The following RPS6KC1 variants were observed in gnomAD, a reference collection of about 807,000 sequenced individuals.
RPS6KC1 encodes ribosomal protein S6 kinase C1.
RPS6KC1 carries 54 observed loss-of-function variants against 103.8 expected under a neutral mutation model. That is an observed-to-expected ratio of 0.52 (90% CI 0.42 to 0.65). The LOEUF is 0.65. Ranked by LOEUF, RPS6KC1 falls within the 30% of genes least tolerant of loss-of-function variation. The probability of loss-of-function intolerance (pLI) is 0.00; values close to 1 mark genes in which losing one functional copy is unlikely to be tolerated. For synonymous variants in RPS6KC1, 439 were observed against 438.7 expected (o/e 1.00, Z -0.01); for missense variants, 1,151 against 1,253.8 (o/e 0.92, Z 1.24).
intron 6 of RPS6KC1, among the ~76,000 whole-genome samples, chr1:213,149,560 CT>C (rs2088369151): frequency 6.6e-6 from 1 of 152,102 alleles, no homozygotes; most frequent in African/African-American, 2.4e-5. Flanking sequence ...GTTTTGTGAC[CT>C]GACATATGGT....
At chr1:213,748,358 G>C in the RPS6KC1 span, among the ~76,000 whole-genome samples, 1 of 152,178 alleles carries the variant, frequency 6.6e-6, no homozygotes, top group East Asian at 1.9e-4. Flanking sequence ...ATTTTTGAGG[G>C]CTTATGTGGG....
At chr1:213,814,307 C>T in the RPS6KC1 span, among the ~76,000 whole-genome samples, 9 of 152,324 alleles carry the variant, frequency 5.9e-5, no homozygotes, top group Admixed American at 1.3e-4. Context: ...AAATGACCAA[C>T]GGGAGCAGTA....
At chr1:213,171,876 A>G (rs754385659) in intron 7 of RPS6KC1, among the ~76,000 whole-genome samples, 1 of 152,206 alleles carries the variant, frequency 6.6e-6, no homozygotes, top group African/African-American at 2.4e-5. Flanking sequence ...TGCAAAGCCA[A>G]AAATTCATGG....
the RPS6KC1 span, among the ~76,000 whole-genome samples, chr1:213,651,297 G>C: frequency 1.3e-5 from 2 of 152,200 alleles, no homozygotes; most frequent in South Asian, 2.1e-4. Flanking sequence ...GGCACCTGGT[G>C]GGGGAGATTG....
At chr1:213,207,643 A>G (rs1393631046) in intron 8 of RPS6KC1, among the ~76,000 whole-genome samples, 2 of 151,924 alleles carry the variant, frequency 1.3e-5, no homozygotes, top group East Asian at 1.9e-4. Flanking sequence ...TCCCCTGCAC[A>G]TGTGCGTGTT....
intron 10 of RPS6KC1, among the ~76,000 whole-genome samples, chr1:213,238,069 G>C (rs921305241): frequency 6.6e-6 from 1 of 151,986 alleles, no homozygotes; most frequent in African/African-American, 2.4e-5. Flanking sequence ...TTACATGCTA[G>C]ATAGAATCCT....
At chr1:213,285,537 C>T in the RPS6KC1 span, among the ~76,000 whole-genome samples, 1 of 152,126 alleles carries the variant, frequency 6.6e-6, no homozygotes, top group Non-Finnish European at 1.5e-5. Flanking sequence ...AAGAAGGAGA[C>T]AGCACAGTGT....
the RPS6KC1 span, among the ~76,000 whole-genome samples, chr1:213,834,360 C>G: frequency 6.6e-6 from 1 of 152,144 alleles, no homozygotes; most frequent in African/African-American, 2.4e-5. Context: ...CTGTTCACCA[C>G]AATGCTGGGA....
chr1:213,506,726 C>T, the RPS6KC1 span, among the ~76,000 whole-genome samples: 1 of 152,154 alleles, frequency 6.6e-6, no homozygotes, highest in Non-Finnish European at 1.5e-5. Context: ...TCTTGACCAT[C>T]AATATGATGA....
At chr1:213,353,044 T>C in the RPS6KC1 span, among the ~76,000 whole-genome samples, 1 of 152,182 alleles carries the variant, frequency 6.6e-6, no homozygotes, top group Non-Finnish European at 1.5e-5. Flanking sequence ...GACAACATCG[T>C]TGGGACTTCT....
rs59498476 is a variant in RPS6KC1 at position 213,205,728 on chromosome 1, A to G, written c.1045-24769A>G. On this transcript the variant is annotated intron_variant, in intron 8 of 14. Transcript: ENST00000366960. ...CATAAATTATAGTTATTTTTCTTCA[A>G]TTCAATGCTTTGATATTTTATTCTG... Among the ~76,000 whole-genome samples, 471 of 151,526 alleles carry G rather than the reference A, an allele frequency of 3.1e-3. 2 individuals are homozygous for G. Among genetic ancestry groups the G allele is most frequent in the African/African-American group, 0.01 (414 of 41,390 alleles).
At chr1:213,432,029 A>G in the RPS6KC1 span, among the ~76,000 whole-genome samples, 12 of 152,176 alleles carry the variant, frequency 7.9e-5, no homozygotes, top group East Asian at 2.3e-3. Flanking sequence ...TTCAATTCTC[A>G]TTTCCCACGT....
chr1:213,723,256 G>T, the RPS6KC1 span, among the ~76,000 whole-genome samples: 1 of 152,222 alleles, frequency 6.6e-6, no homozygotes, highest in Admixed American at 6.5e-5. Context: ...ATGAAATTCA[G>T]ACCTTTGTTC....
chr1:213,629,429 T>G, the RPS6KC1 span, among the ~76,000 whole-genome samples: 1 of 152,162 alleles, frequency 6.6e-6, no homozygotes, highest in East Asian at 1.9e-4. Flanking sequence ...TGTTTTCCAT[T>G]TGCTTGGTAG....
At chr1:213,083,987 A>G (rs1318622438) in intron 3 of RPS6KC1, among the ~76,000 whole-genome samples, 6 of 152,136 alleles carry the variant, frequency 3.9e-5, no homozygotes, top group Non-Finnish European at 8.8e-5. Context: ...GCCTGTGGAG[A>G]TGAGGGATGT....
intron 3 of RPS6KC1, among the ~76,000 whole-genome samples, chr1:213,101,518 A>T (rs1419030375): frequency 6.6e-6 from 1 of 152,188 alleles, no homozygotes; most frequent in Admixed American, 6.6e-5. Flanking sequence ...CCATTGCTTA[A>T]GTGTTTTACT....
chr1:213,091,092 C>T (rs1002488392), intron 3 of RPS6KC1, among the ~76,000 whole-genome samples: 1 of 151,604 alleles, frequency 6.6e-6, no homozygotes, highest in African/African-American at 2.4e-5. Flanking sequence ...GAGTCTCGCT[C>T]TGTTGTCCAG....
At chr1:213,683,217 G>T in the RPS6KC1 span, among the ~76,000 whole-genome samples, 1 of 152,198 alleles carries the variant, frequency 6.6e-6, no homozygotes, top group African/African-American at 2.4e-5. Context: ...CCTGGGGACT[G>T]TCGGGGTCAG....
the RPS6KC1 span, among the ~76,000 whole-genome samples, chr1:213,633,039 G>A: frequency 1.3e-5 from 2 of 152,184 alleles, no homozygotes; most frequent in African/African-American, 4.8e-5. Context: ...CAAGAAATAT[G>A]GGACTATGTG....
Sources: gnomAD v4.1 joint callset for allele counts (sites outside exome capture counted in the v4.1 genomes callset) on GRCh38, gnomAD v4.1.1 for gene constraint, MANE v1.5 for transcripts, NCBI Gene and HGNC (gene_info 2026-07-23, HGNC 2026-07-21) for gene names.